COL26A1: variants seen among roughly 807,000 people sequenced by gnomAD.
COL26A1 encodes collagen type XXVI alpha 1 chain, also known as collagen alpha-1(XXVI) chain.
In COL26A1, 41 loss-of-function variants were observed where a neutral mutation model predicts 59.3. The observed-to-expected ratio is 0.69, with a 90% CI of 0.54 to 0.90. The LOEUF (loss-of-function observed/expected upper bound fraction) is 0.90, where lower values mean the gene tolerates loss of function less well. COL26A1 is among the 40% of genes least tolerant of loss of function. The pLI is 0.00. For synonymous variants in COL26A1, 266 were observed against 256.0 expected, an observed-to-expected ratio of 1.04 and a Z score of -0.37; for missense variants, 612 against 602.3, an observed-to-expected ratio of 1.02 and a Z score of -0.17.
chr7:101,535,255 TA>T (rs1795457895), intron 4 of COL26A1, among the ~76,000 whole-genome samples: 1 of 152,050 alleles, frequency 6.6e-6, no homozygotes, highest in South Asian at 2.1e-4. Context: ...CAGGACCCCC[TA>T]GAATGAGTAT....
At chr7:101,508,398 A>G (rs1027477002) in intron 3 of COL26A1, among the ~76,000 whole-genome samples, 26 of 152,006 alleles carry the variant, frequency 1.7e-4, no homozygotes, top group Non-Finnish European at 3.5e-4. Flanking sequence ...GCACACCTGT[A>G]GTCCCAGCTC....
chr7:101,498,644 C>G (rs1275643453), intron 3 of COL26A1, among the ~76,000 whole-genome samples: 1 of 152,170 alleles, frequency 6.6e-6, no homozygotes, highest in Non-Finnish European at 1.5e-5. Flanking sequence ...AGTGGAGTCT[C>G]CACTCTGCAC....
At chr7:101,498,436 A>T (rs1563013328) in intron 3 of COL26A1, among the ~76,000 whole-genome samples, 1 of 152,154 alleles carries the variant, frequency 6.6e-6, no homozygotes, top group Non-Finnish European at 1.5e-5. Flanking sequence ...AATGATAGAG[A>T]GAGGAGACCC....
At chr7:101,510,894 C>T (rs1274826963) in intron 3 of COL26A1, among the ~76,000 whole-genome samples, 2 of 127,416 alleles carry the variant, frequency 1.6e-5, no homozygotes, top group African/African-American at 8.5e-5. Context: ...CTTTTTCTTT[C>T]TTTCTTTTTT....
chr7:101,499,694 A>G (rs1172870903), intron 3 of COL26A1, among the ~76,000 whole-genome samples: 1 of 151,626 alleles, frequency 6.6e-6, no homozygotes, highest in Non-Finnish European at 1.5e-5. Flanking sequence ...AAAAATAATA[A>G]TAAAAATAAT....
rs551911078 is a variant in COL26A1 at position 101,453,041 on chromosome 7, G to A, written c.385+5254G>A. ...GTTGGGATTACAGGCGTGAGCCACT[G>A]TGCCCGGTCTAAAATACAGAATTAT... On this transcript the variant is annotated intron_variant, in intron 3 of 12. Transcript: ENST00000313669. Among the ~76,000 whole-genome samples the A allele has an allele frequency of 7.4e-3, 1,120 of 152,282 alleles. 15 individuals carry two copies. The highest frequency in any genetic ancestry group is 0.025 in the African/African-American group (1,045 of 41,564).
At chr7:101,419,802 G>T (rs1019060551) in intron 1 of COL26A1, among the ~76,000 whole-genome samples, 175 bp from the exon 2 acceptor site, 1 of 152,186 alleles carries the variant, frequency 6.6e-6, no homozygotes, top group Non-Finnish European at 1.5e-5. Flanking sequence ...AGGGTTGCAA[G>T]TGTTCTCTCT....
intron 3 of COL26A1, among the ~76,000 whole-genome samples, chr7:101,523,554 G>A (rs766348230): frequency 5.3e-5 from 8 of 152,082 alleles, no homozygotes; most frequent in South Asian, 2.1e-4. Flanking sequence ...ACTTTTGCAC[G>A]TGGTATGGAT....
At chr7:101,385,466 G>A (rs1463909009) in intron 1 of COL26A1, among the ~76,000 whole-genome samples, 1 of 151,334 alleles carries the variant, frequency 6.6e-6, no homozygotes, top group Non-Finnish European at 1.5e-5. Context: ...CGCAGCCTGG[G>A]TTCAAGTGAT....
chr7:101,457,757 T>G (rs1008056105), intron 3 of COL26A1, among the ~76,000 whole-genome samples: 1 of 152,216 alleles, frequency 6.6e-6, no homozygotes, highest in African/African-American at 2.4e-5. Context: ...TAATCTTTTG[T>G]GTATGGTTTG....
intron 2 of COL26A1, among the ~76,000 whole-genome samples, chr7:101,438,357 T>C (rs1471273030): frequency 6.6e-6 from 1 of 151,028 alleles, no homozygotes; most frequent in Non-Finnish European, 1.5e-5. Context: ...CGAGACTCCG[T>C]CTCAAAAAAA....
chr7:101,501,637 C>T (rs879495747), intron 3 of COL26A1, among the ~76,000 whole-genome samples: 1 of 152,154 alleles, frequency 6.6e-6, no homozygotes, highest in South Asian at 2.1e-4. Flanking sequence ...GTATCCTTTG[C>T]GCTGTGTCAC....
intron 3 of COL26A1, among the ~76,000 whole-genome samples, chr7:101,489,830 CTTTCTTTCTTTCTTTCTTT>C (rs1794397340): frequency 7.8e-4 from 9 of 11,574 alleles, no homozygotes; most frequent in South Asian, 3.5e-3. Flanking sequence ...TTCTTTCTTT[CTTTCTTTCTTTCTTTCTTT>C]CTTTCTTTCT....
chr7:101,534,748 G>A (rs377716731), intron 4 of COL26A1, among the ~76,000 whole-genome samples: 2 of 152,058 alleles, frequency 1.3e-5, no homozygotes, highest in African/African-American at 4.8e-5. Context: ...CCTGACTTCC[G>A]CCCTGGGGGT....
chr7:101,461,498 A>G (rs1407872831), intron 3 of COL26A1, among the ~76,000 whole-genome samples: 1 of 151,906 alleles, frequency 6.6e-6, no homozygotes, highest in Non-Finnish European at 1.5e-5. Context: ...GGGATTCGCC[A>G]TGTTGGTCAG....
At chr7:101,533,178 T>C in intron 4 of COL26A1, 35 bp downstream of exon 4, 1 of 1,533,858 alleles carries the variant, frequency 6.5e-7, no homozygotes, top group Non-Finnish European at 8.9e-7. Flanking sequence ...CCTGGGGAGC[T>C]GCCTGGGGAC....
intron 3 of COL26A1, among the ~76,000 whole-genome samples, chr7:101,512,661 A>G (rs1794951129): frequency 6.6e-6 from 1 of 152,104 alleles, no homozygotes; most frequent in South Asian, 2.1e-4. Context: ...ACTTCCCACA[A>G]ATTGGCCCTA....
chr7:101,530,906 C>T (rs138658720), intron 3 of COL26A1, among the ~76,000 whole-genome samples: 49 of 152,172 alleles, frequency 3.2e-4, no homozygotes, highest in African/African-American at 1.1e-3. Flanking sequence ...GAGGTCCCTC[C>T]GCCTTTCCCT....
chr7:101,363,309 TGG>T, intron 1 of COL26A1, 119 bp downstream of exon 1: 1 of 477,004 alleles, frequency 2.1e-6, no homozygotes, highest in Non-Finnish European at 2.6e-6. Flanking sequence ...ATCCGGGACT[TGG>T]GGGCGCAGGG....
Sources: gnomAD v4.1 joint callset for allele counts (sites outside exome capture counted in the v4.1 genomes callset) on GRCh38, gnomAD v4.1.1 for gene constraint, MANE v1.5 for transcripts, NCBI Gene and HGNC (gene_info 2026-07-23, HGNC 2026-07-21) for gene names.